The following PTPRD variants were observed in gnomAD, a reference collection of about 807,000 sequenced individuals.
The protein encoded by PTPRD is receptor-type tyrosine-protein phosphatase delta.
Under a neutral mutation model 214.5 loss-of-function variants are expected in PTPRD, and 34 were observed. That is an observed-to-expected ratio of 0.16 (90% CI 0.12 to 0.21). The LOEUF (loss-of-function observed/expected upper bound fraction) is 0.21, where lower values mean the gene tolerates loss of function less well. PTPRD is among the 10% of genes least tolerant of loss of function. PTPRD has a pLI of 1.00. For missense variants in PTPRD, 2,545 were observed against 2,398.7 expected (o/e 1.06, Z -1.27); for synonymous variants, 1,128 against 845.7 (o/e 1.33, Z -5.79).
chr9:9,975,129 T>G (rs989831245), intron 4 of PTPRD, among the ~76,000 whole-genome samples: 2 of 152,232 alleles, frequency 1.3e-5, no homozygotes, highest in Admixed American at 1.3e-4. Context: ...GCGCTCCCAT[T>G]TACAGAGGGC....
intron 11 of PTPRD, among the ~76,000 whole-genome samples, chr9:9,006,628 T>G (rs1039076580): frequency 3.9e-5 from 6 of 152,034 alleles, no homozygotes; most frequent in African/African-American, 1.4e-4. Flanking sequence ...GAAATGATAT[T>G]ACGTAAGCAT....
chr9:9,458,573 C>A (rs1217562870), intron 8 of PTPRD, among the ~76,000 whole-genome samples: 3 of 151,858 alleles, frequency 2.0e-5, no homozygotes, highest in Non-Finnish European at 4.4e-5. Context: ...TAAAAAAAAT[C>A]ATGAGTTGTT....
chr9:8,590,395 A>C (rs768418508), intron 14 of PTPRD, among the ~76,000 whole-genome samples: 2 of 152,206 alleles, frequency 1.3e-5, no homozygotes, highest in Non-Finnish European at 2.9e-5. Context: ...GCTATATCCT[A>C]AAATTCAAGT....
At chr9:8,581,530 C>T (rs554375655) in intron 14 of PTPRD, among the ~76,000 whole-genome samples, 13 of 151,964 alleles carry the variant, frequency 8.6e-5, no homozygotes, top group Admixed American at 2.0e-4. Context: ...GGGCGGATCA[C>T]GAGGTCAGGA....
chr9:10,006,668 A>G (rs1050327112), intron 4 of PTPRD, among the ~76,000 whole-genome samples: 2 of 151,972 alleles, frequency 1.3e-5, no homozygotes, highest in Non-Finnish European at 2.9e-5. Flanking sequence ...CATTGGACGA[A>G]TAATCAGAGC....
intron 3 of PTPRD, among the ~76,000 whole-genome samples, chr9:10,208,905 A>T (rs1329402161): frequency 6.6e-6 from 1 of 152,208 alleles, no homozygotes; most frequent in Non-Finnish European, 1.5e-5. Context: ...ATCCTACCGG[A>T]CCATTTATTC....
At chr9:10,262,823 G>A (rs182411867) in intron 3 of PTPRD, among the ~76,000 whole-genome samples, 1 of 152,284 alleles carries the variant, frequency 6.6e-6, no homozygotes, top group East Asian at 1.9e-4. Flanking sequence ...GATGCTTGAT[G>A]TGTGATATGG....
chr9:8,819,599 T>C (rs1050701812), intron 11 of PTPRD, among the ~76,000 whole-genome samples: 1 of 152,108 alleles, frequency 6.6e-6, no homozygotes, highest in African/African-American at 2.4e-5. Context: ...AGGCAGAGGT[T>C]GCAGTGAGCC....
chr9:10,228,306 G>A (rs1001934238), intron 3 of PTPRD, among the ~76,000 whole-genome samples: 4 of 151,948 alleles, frequency 2.6e-5, no homozygotes, highest in African/African-American at 9.7e-5. Flanking sequence ...TTCACATTTT[G>A]TTTGCTTAAG....
Position 10,161,649 on chromosome 9 carries a change from G to A in PTPRD, c.-544-127859C>T, listed in dbSNP as rs570487007. On this transcript the variant is annotated intron_variant, in intron 3 of 45. Coordinates refer to ENST00000381196, the MANE Select transcript of PTPRD (RefSeq NM_002839.4). ...GCAATGGTTTGGGCAAAGAATTTTC[G>A]TGTAAGACCACAAAAGCAAGGCATT... 2.6e-5 allele frequency among the ~76,000 whole-genome samples: 4 copies of A among 151,678 alleles called. No individual in the cohort carries two copies. The East Asian group carries it at 5.8e-4, about 22-fold the overall frequency.
chr9:8,958,480 G>T (rs887359412), intron 11 of PTPRD, among the ~76,000 whole-genome samples: 2 of 151,810 alleles, frequency 1.3e-5, no homozygotes, highest in African/African-American at 4.8e-5. Flanking sequence ...CTAATCTCTG[G>T]CCATTTAGAA....
intron 12 of PTPRD, among the ~76,000 whole-genome samples, chr9:8,723,668 T>C (rs2098526206): frequency 6.6e-6 from 1 of 152,222 alleles, no homozygotes; most frequent in Non-Finnish European, 1.5e-5. Flanking sequence ...AAAATCACTG[T>C]AGATTAAAGG....
chr9:8,534,715 TCAGTAGTGTTCTATG>T (rs1334379089), intron 14 of PTPRD, among the ~76,000 whole-genome samples: 3 of 151,686 alleles, frequency 2.0e-5, no homozygotes, highest in African/African-American at 7.3e-5. Flanking sequence ...TGTCAGAGAA[TCAGTAGTGTTCTATG>T]CAGCAGAAAG....
chr9:9,874,701 GATTT>G (rs1381607804), intron 5 of PTPRD, among the ~76,000 whole-genome samples: 3 of 152,066 alleles, frequency 2.0e-5, no homozygotes, highest in East Asian at 1.9e-4. Flanking sequence ...AACATTAAAT[GATTT>G]ATTTATTACT....
chr9:9,673,280 A>G (rs539054935), intron 7 of PTPRD, among the ~76,000 whole-genome samples: 1 of 152,106 alleles, frequency 6.6e-6, no homozygotes, highest in East Asian at 1.9e-4. Flanking sequence ...AGCTACAGGA[A>G]GAAAAAGACC....
At chr9:8,410,903 C>A (rs942316866) in intron 35 of PTPRD, among the ~76,000 whole-genome samples, 1 of 152,014 alleles carries the variant, frequency 6.6e-6, no homozygotes, top group Non-Finnish European at 1.5e-5. Flanking sequence ...AATCATTCAT[C>A]CATGGCAAGT....
intron 9 of PTPRD, among the ~76,000 whole-genome samples, chr9:9,259,175 A>G (rs1052472500): frequency 6.6e-6 from 1 of 151,790 alleles, no homozygotes; most frequent in African/African-American, 2.4e-5. Context: ...GCTTGGCAAA[A>G]CTTCTTCAAC....
intron 39 of PTPRD, among the ~76,000 whole-genome samples, chr9:8,356,637 T>C (rs554749622): frequency 1.3e-5 from 2 of 152,226 alleles, no homozygotes; most frequent in Admixed American, 1.3e-4. Context: ...GATGTCTAGA[T>C]TCCTTTCTTT....
chr9:10,303,071 A>G (rs866415643), intron 3 of PTPRD, among the ~76,000 whole-genome samples: 10 of 151,854 alleles, frequency 6.6e-5, no homozygotes, highest in Admixed American at 6.5e-4. Context: ...CTCTCAGACC[A>G]CAGTGCAATC....
Sources: gnomAD v4.1 joint callset for allele counts (sites outside exome capture counted in the v4.1 genomes callset) on GRCh38, gnomAD v4.1.1 for gene constraint, MANE v1.5 for transcripts, NCBI Gene and HGNC (gene_info 2026-07-23, HGNC 2026-07-21) for gene names.